The following CLIC5 variants were observed in gnomAD, a reference collection of about 807,000 sequenced individuals.
CLIC5 encodes chloride intracellular channel protein 5.
Under a neutral mutation model 24.7 loss-of-function variants are expected in CLIC5, and 20 were observed. The ratio of observed to expected loss-of-function variants is 0.81; its 90% CI spans 0.57 to 1.18. CLIC5 has a LOEUF of 1.18. Among genes scored for constraint, CLIC5 ranks in the 50% most tolerant of loss-of-function variants. The pLI, the probability that CLIC5 is intolerant of heterozygous loss-of-function variation, is 0.00. For missense variants in CLIC5, 341 were observed against 326.1 expected, an observed-to-expected ratio of 1.05 and a Z score of -0.35; for synonymous variants, 159 against 135.6, an observed-to-expected ratio of 1.17 and a Z score of -1.20.
rs566928636 is a variant in CLIC5, at chr6:46,047,014, G to A, written c.540+32689C>T. Among the ~76,000 whole-genome samples, 8 of 152,244 alleles carry A rather than the reference G, an allele frequency of 5.3e-5. No homozygotes were observed. In the East Asian group the frequency reaches 1.2e-3, roughly 22 times the overall value. On this transcript the variant is annotated intron_variant, in intron 1 of 5. Coordinates refer to the CLIC5 transcript ENST00000185206. The stretch of plus-strand genomic sequence containing the variant: ...CTCACTTTCACTGCTCCCTTCCCAT[G>A]CCCAGAAAGGGACCTACCGTAGTGT...
chr6:46,110,654 A>G, the CLIC5 span, among the ~76,000 whole-genome samples: 1 of 152,158 alleles, frequency 6.6e-6, no homozygotes, highest in Non-Finnish European at 1.5e-5. Flanking sequence ...GTAGGTAAAG[A>G]ATGTCACTTT....
At chr6:46,070,321 A>G (rs1156540103) in intron 1 of CLIC5, among the ~76,000 whole-genome samples, 1 of 152,094 alleles carries the variant, frequency 6.6e-6, no homozygotes, top group East Asian at 1.9e-4. Flanking sequence ...TATCTAGAAA[A>G]CCCCATAGTC....
intron 4 of CLIC5, among the ~76,000 whole-genome samples, chr6:45,931,383 A>G (rs1763729940): frequency 6.6e-6 from 1 of 152,202 alleles, no homozygotes. Context: ...TTTAGAAGCA[A>G]TGTTGAACTT....
the CLIC5 span, among the ~76,000 whole-genome samples, chr6:46,119,875 G>A: frequency 7.9e-5 from 12 of 152,362 alleles, no homozygotes; most frequent in South Asian, 1.4e-3. Flanking sequence ...AGGCAGCAGC[G>A]AGGGTGGGGG....
At chr6:46,112,195 C>T in the CLIC5 span, among the ~76,000 whole-genome samples, 43 of 152,206 alleles carry the variant, frequency 2.8e-4, 1 homozygote, top group East Asian at 3.5e-3. Flanking sequence ...CTTTGGTGGG[C>T]GGCATTTGTA....
Position 45,941,544 on chromosome 6 carries a change from C to T in CLIC5, c.406+3G>A. On this transcript the variant is annotated splice_donor_region_variant and intron_variant, in intron 4 of 5. Transcript: ENST00000339561. ...GGGTTCTTGGTGGAAGGGAGTCACT[C>T]ACCAGCATTGTTCTGCTGCTTGGTA... 6.2e-7 allele frequency: 1 copy of T among 1,605,306 alleles called. No individual in the cohort carries two copies. The highest frequency in any genetic ancestry group is 8.5e-7 in the Non-Finnish European group (1 of 1,172,106).
At chr6:46,104,749 G>A in the CLIC5 span, among the ~76,000 whole-genome samples, 2 of 150,650 alleles carry the variant, frequency 1.3e-5, no homozygotes, top group African/African-American at 4.9e-5. Flanking sequence ...CAAATTGAAA[G>A]AAAGACACAT....
chr6:46,126,745 G>A, the CLIC5 span, among the ~76,000 whole-genome samples: 6 of 152,110 alleles, frequency 3.9e-5, no homozygotes, highest in Non-Finnish European at 7.4e-5. Flanking sequence ...TTTAGTTTCA[G>A]TTGTGTTGTT....
rs138438518 is a variant in CLIC5 at position 45,946,763 on chromosome 6, C to T, written c.299+2493G>A. 4.7e-3 allele frequency among the ~76,000 whole-genome samples: 715 copies of T among 152,290 alleles called. 16 individuals carry two copies. Among genetic ancestry groups the T allele is most frequent in the Middle Eastern group, 6.8e-3 (2 of 294 alleles). Reference sequence around the variant, plus strand: ...CATTTACTGGGAGGTAATTGTGGCACCTGCCTCAGTCTGATGGGTGCAAAG... The same window carrying T: ...CATTTACTGGGAGGTAATTGTGGCATCTGCCTCAGTCTGATGGGTGCAAAG... On this transcript the variant is annotated intron_variant, in intron 3 of 5. Transcript: ENST00000339561.
chr6:46,007,921 T>C (rs1308393371), intron 1 of CLIC5, among the ~76,000 whole-genome samples: 1 of 151,380 alleles, frequency 6.6e-6, no homozygotes, highest in Non-Finnish European at 1.5e-5. Flanking sequence ...TTTTCTTTTT[T>C]TTTTTTTCCC....
In CLIC5 at chr6:45,924,976, A is replaced by G. The variant is rs1763422403; in HGVS notation, c.407-10567T>C. On this transcript the variant is annotated intron_variant, in intron 4 of 5. Coordinates refer to ENST00000339561, the MANE Select transcript of CLIC5 (RefSeq NM_016929.5). ...TGTGATGTTTGGGGGTGGAGCAACC[A>G]TCCTGTGAAACAAGAATGAAAGTCA... Among the ~76,000 whole-genome samples the G allele has an allele frequency of 4.6e-5, 7 of 152,288 alleles. No individual in the cohort carries two copies. The South Asian group carries it at 1.5e-3, about 32-fold the overall frequency.
chr6:46,031,850 A>AAT (rs1232195466), intron 1 of CLIC5, among the ~76,000 whole-genome samples: 33 of 149,032 alleles, frequency 2.2e-4, no homozygotes, highest in African/African-American at 7.9e-4. Context: ...ATCTTTGTAA[A>AAT]ATATATATAT....
At chr6:46,023,769 C>T (rs1767250884) in intron 1 of CLIC5, among the ~76,000 whole-genome samples, 1 of 152,090 alleles carries the variant, frequency 6.6e-6, no homozygotes, top group Non-Finnish European at 1.5e-5. Flanking sequence ...GGTGATTGTC[C>T]TCACTTAATG....
chr6:45,993,237 A>T (rs1766005981), intron 1 of CLIC5, among the ~76,000 whole-genome samples: 2 of 152,210 alleles, frequency 1.3e-5, no homozygotes, highest in South Asian at 4.1e-4. Context: ...TGAAATTCTA[A>T]TGTCTACATT....
intron 6 of CLIC5, among the ~76,000 whole-genome samples, chr6:45,888,552 A>G (rs1369901618): frequency 2.0e-5 from 3 of 152,206 alleles, no homozygotes; most frequent in Non-Finnish European, 4.4e-5. Context: ...TCAAAAGCCT[A>G]AAGATGCCTT....
chr6:45,937,191 AGATTTG>A (rs1763968647), intron 4 of CLIC5, among the ~76,000 whole-genome samples: 1 of 152,182 alleles, frequency 6.6e-6, no homozygotes, highest in Non-Finnish European at 1.5e-5. Context: ...AATGGGTGGG[AGATTTG>A]GAAGAGCTAA....
intron 1 of CLIC5, among the ~76,000 whole-genome samples, chr6:46,008,667 C>T (rs1581856803): frequency 6.6e-6 from 1 of 152,108 alleles, no homozygotes; most frequent in Non-Finnish European, 1.5e-5. Flanking sequence ...ATCTTACTAT[C>T]TCCTTCATGC....
chr6:46,012,318 A>C (rs1766835697), intron 1 of CLIC5, among the ~76,000 whole-genome samples: 1 of 152,236 alleles, frequency 6.6e-6, no homozygotes, highest in Non-Finnish European at 1.5e-5. Flanking sequence ...ACTTGAACTC[A>C]GGTACTGCAT....
At chr6:46,051,900 T>C (rs770897630) in intron 1 of CLIC5, among the ~76,000 whole-genome samples, 3 of 152,326 alleles carry the variant, frequency 2.0e-5, no homozygotes, top group African/African-American at 4.8e-5. Flanking sequence ...TTCTTTCCAC[T>C]GCACTGACTA....
Sources: gnomAD v4.1 joint callset for allele counts (sites outside exome capture counted in the v4.1 genomes callset) on GRCh38, gnomAD v4.1.1 for gene constraint, MANE v1.5 for transcripts, NCBI Gene and HGNC (gene_info 2026-07-23, HGNC 2026-07-21) for gene names.